The following CEP63 variants were observed in gnomAD, a reference collection of about 807,000 sequenced individuals.
CEP63 encodes centrosomal protein of 63 kDa.
Under a neutral mutation model 89.1 loss-of-function variants are expected in CEP63, and 84 were observed. The ratio of observed to expected loss-of-function variants is 0.94; its 90% CI spans 0.79 to 1.13. The LOEUF is 1.13. CEP63 is among the 50% of genes most tolerant of loss of function. CEP63 has a pLI of 0.00. For missense variants in CEP63, 838 were observed against 813.3 expected (o/e 1.03, Z -0.37); for synonymous variants, 267 against 272.5 (o/e 0.98, Z 0.20).
chr3:134,633,951 G>T, the CEP63 span, among the ~76,000 whole-genome samples: 1 of 152,186 alleles, frequency 6.6e-6, no homozygotes, highest in African/African-American at 2.4e-5. Flanking sequence ...TTGTATTTCT[G>T]TATATTGGCC....
At chr3:134,648,260 TC>T in the CEP63 span, among the ~76,000 whole-genome samples, 22 of 152,298 alleles carry the variant, frequency 1.4e-4, no homozygotes, top group South Asian at 4.4e-3. Flanking sequence ...ACGGTACTGT[TC>T]CTGGAAGCTC....
At chr3:134,639,788 A>G in the CEP63 span, 3 of 149,728 alleles carry the variant, frequency 2.0e-5, no homozygotes, top group Middle Eastern at 6.8e-3. Context: ...TCTACAAAAA[A>G]CGAAAAAAAA....
the CEP63 span, among the ~76,000 whole-genome samples, chr3:134,756,098 G>T: frequency 6.6e-6 from 1 of 152,228 alleles, no homozygotes; most frequent in African/African-American, 2.4e-5. Flanking sequence ...TGCCCAGCCC[G>T]AGCAGGGCAC....
At chr3:134,580,996 A>G (rs1312424183) in intron 10 of CEP63, among the ~76,000 whole-genome samples, 1 of 122,236 alleles carries the variant, frequency 8.2e-6, no homozygotes, top group African/African-American at 2.8e-5. Flanking sequence ...GCAGAAGAGT[A>G]TCAGAGTGAT....
chr3:134,604,154 G>T, the CEP63 span: 32 of 1,608,458 alleles, frequency 2.0e-5, no homozygotes, highest in Non-Finnish European at 2.7e-5. Context: ...TGGATGATAG[G>T]GTCAGGGTGG....
At chr3:134,506,169 G>A (rs1943400078) in intron 2 of CEP63, among the ~76,000 whole-genome samples, 1 of 152,168 alleles carries the variant, frequency 6.6e-6, no homozygotes, top group African/African-American at 2.4e-5. Context: ...AAACCTCTTT[G>A]AATCTAATAT....
chr3:134,539,207 GT>G (rs1160105773), intron 6 of CEP63, among the ~76,000 whole-genome samples: 1 of 152,066 alleles, frequency 6.6e-6, no homozygotes, highest in African/African-American at 2.4e-5. Context: ...AGCATTAATA[GT>G]TGTCATCATC....
the CEP63 span, among the ~76,000 whole-genome samples, chr3:134,752,260 A>G: frequency 6.6e-6 from 1 of 152,216 alleles, no homozygotes; most frequent in Non-Finnish European, 1.5e-5. Flanking sequence ...ACCCATCTCC[A>G]GAACACTCTG....
At chr3:134,649,131 G>T in the CEP63 span, among the ~76,000 whole-genome samples, 1,071 of 152,338 alleles carry the variant, frequency 7.0e-3, 11 homozygotes, top group African/African-American at 0.024. Flanking sequence ...AAGTGACACA[G>T]ATCTCTACAC....
At chr3:134,753,070 C>CT in the CEP63 span, among the ~76,000 whole-genome samples, 4 of 151,576 alleles carry the variant, frequency 2.6e-5, no homozygotes, top group African/African-American at 7.3e-5. Context: ...GTGTTTTCAT[C>CT]TTTTTTTTTC....
At chr3:134,776,568 G>T in the CEP63 span, among the ~76,000 whole-genome samples, 1 of 152,142 alleles carries the variant, frequency 6.6e-6, no homozygotes, top group Non-Finnish European at 1.5e-5. Context: ...TAGTAATTTT[G>T]CTTTGTTGAC....
At chr3:134,590,411 A>G (rs1958576847), downstream of CEP63, among the ~76,000 whole-genome samples, 1 of 152,246 alleles carries the variant, frequency 6.6e-6, no homozygotes. Context: ...AAGCAATTAG[A>G]AAATTAAATT....
At chr3:134,767,246 C>A in the CEP63 span, among the ~76,000 whole-genome samples, 1 of 152,200 alleles carries the variant, frequency 6.6e-6, no homozygotes, top group East Asian at 1.9e-4. Context: ...CATAGACAAG[C>A]TTTGTGCAAT....
the CEP63 span, chr3:134,651,521 G>T: frequency 1.0e-6 from 1 of 994,534 alleles, no homozygotes. Context: ...GATTGTCCAA[G>T]TTTTGGCCTC....
At chr3:134,652,701 T>C in the CEP63 span, among the ~76,000 whole-genome samples, 1 of 152,132 alleles carries the variant, frequency 6.6e-6, no homozygotes, top group African/African-American at 2.4e-5. Flanking sequence ...TTACTCTCTA[T>C]GTGGCTGGGG....
chr3:134,564,899 GTT>G lies in CEP63; in HGVS notation c.*3369_*3370del. Reference sequence around the variant, plus strand: ...ACTATGTATTTCCTTAAATTATACTGTTTTTTAAAGCTGAAGTATCTAATAGT... The same window carrying G: ...ACTATGTATTTCCTTAAATTATACTGTTTTAAAGCTGAAGTATCTAATAGT... On this transcript the variant is annotated 3_prime_UTR_variant, in exon 15 of 15. Transcript: ENST00000675561. The G allele has an allele frequency of 1.0e-6, 1 of 984,732 alleles. No homozygotes were observed. The highest frequency in any genetic ancestry group is 1.2e-6 in the Non-Finnish European group (1 of 829,328). 61.0% of individuals were successfully genotyped at this position (984,732 alleles called of 1,614,324 possible).
At chr3:134,623,751 C>T in the CEP63 span, among the ~76,000 whole-genome samples, 13 of 152,238 alleles carry the variant, frequency 8.5e-5, no homozygotes, top group East Asian at 1.2e-3. Flanking sequence ...CTGCAGTAGC[C>T]GACATGGCGT....
the CEP63 span, chr3:134,608,921 G>A: frequency 4.7e-6 from 7 of 1,475,738 alleles, no homozygotes; most frequent in African/African-American, 1.4e-5. Flanking sequence ...GTGGTCCTAT[G>A]GACACCCTGG....
the CEP63 span, among the ~76,000 whole-genome samples, chr3:134,665,218 C>T: frequency 6.6e-6 from 1 of 152,206 alleles, no homozygotes; most frequent in Non-Finnish European, 1.5e-5. Context: ...GTGACCACTT[C>T]CTCTCAGTGA....
Sources: gnomAD v4.1 joint callset for allele counts (sites outside exome capture counted in the v4.1 genomes callset) on GRCh38, gnomAD v4.1.1 for gene constraint, MANE v1.5 for transcripts, NCBI Gene and HGNC (gene_info 2026-07-23, HGNC 2026-07-21) for gene names.